CELF2: variants seen among roughly 807,000 people sequenced by gnomAD.
CELF2 encodes the protein CUG triplet repeat RNA-binding protein 2.
A neutral mutation model predicts 62.6 loss-of-function variants in CELF2; 8 were observed. The observed-to-expected ratio is 0.13, with a 90% CI of 0.07 to 0.23. The LOEUF (loss-of-function observed/expected upper bound fraction) is 0.23, where lower values mean the gene tolerates loss of function less well. Ranked by LOEUF, CELF2 falls within the 10% of genes least tolerant of loss-of-function variation. The pLI, the probability that CELF2 is intolerant of heterozygous loss-of-function variation, is 1.00. For synonymous variants in CELF2, 258 were observed against 250.0 expected, an observed-to-expected ratio of 1.03 and a Z score of -0.30; for missense variants, 333 against 671.0, an observed-to-expected ratio of 0.50 and a Z score of 5.56.
chr10:10,600,295 A>C, the CELF2 span, among the ~76,000 whole-genome samples: 1 of 152,224 alleles, frequency 6.6e-6, no homozygotes, highest in African/African-American at 2.4e-5. Flanking sequence ...GTCAATTACC[A>C]AAGTCTATTT....
chr10:10,644,928 G>T, the CELF2 span, among the ~76,000 whole-genome samples: 1 of 152,106 alleles, frequency 6.6e-6, no homozygotes, highest in East Asian at 1.9e-4. Context: ...AGTGACAGGC[G>T]GATGAAGTGG....
chr10:10,765,768 C>A, the CELF2 span, among the ~76,000 whole-genome samples: 2 of 152,184 alleles, frequency 1.3e-5, no homozygotes, highest in Admixed American at 1.3e-4. Context: ...ATCTGAAGGG[C>A]GGATCCAGAC....
At chr10:10,712,193 G>A in the CELF2 span, among the ~76,000 whole-genome samples, 1 of 146,100 alleles carries the variant, frequency 6.8e-6, no homozygotes, top group African/African-American at 2.6e-5. Context: ...CTCAGAATAG[G>A]GCAAGTTCAT....
At chr10:10,657,775 G>C in the CELF2 span, among the ~76,000 whole-genome samples, 1 of 152,026 alleles carries the variant, frequency 6.6e-6, no homozygotes, top group African/African-American at 2.4e-5. Context: ...ATGATATTTT[G>C]TTTCTTAAGT....
the CELF2 span, among the ~76,000 whole-genome samples, chr10:10,585,660 A>G: frequency 6.6e-6 from 1 of 152,208 alleles, no homozygotes; most frequent in African/African-American, 2.4e-5. Flanking sequence ...TTGTCATATA[A>G]GAATAAAATG....
intron 1 of CELF2, among the ~76,000 whole-genome samples, chr10:11,041,009 T>C (rs796556819): frequency 2.3e-4 from 35 of 152,344 alleles, no homozygotes; most frequent in African/African-American, 8.4e-4. Context: ...CTAATGTTTA[T>C]TTCTCAAGGT....
chr10:11,043,024 G>A (rs1416018752), intron 1 of CELF2, among the ~76,000 whole-genome samples: 1 of 152,172 alleles, frequency 6.6e-6, no homozygotes, highest in East Asian at 1.9e-4. Flanking sequence ...TAATCCTCCT[G>A]TGTATATGCC....
At chr10:10,704,392 G>A in the CELF2 span, among the ~76,000 whole-genome samples, 5 of 152,110 alleles carry the variant, frequency 3.3e-5, no homozygotes, top group Admixed American at 2.0e-4. Flanking sequence ...GAATTAGGAA[G>A]TTTCTACAGT....
At chr10:10,916,229 C>T (rs371706702) in intron 1 of CELF2, among the ~76,000 whole-genome samples, 34 of 152,296 alleles carry the variant, frequency 2.2e-4, no homozygotes, top group African/African-American at 7.2e-4. Flanking sequence ...CAGTGTTTGT[C>T]GATTTGCTGG....
intron 1 of CELF2, among the ~76,000 whole-genome samples, chr10:10,857,920 C>G (rs989966736): frequency 6.6e-6 from 1 of 151,472 alleles, no homozygotes; most frequent in Non-Finnish European, 1.5e-5. Context: ...AAAATTTGTA[C>G]AGACGCTAAT....
chr10:10,607,580 AC>A, the CELF2 span, among the ~76,000 whole-genome samples: 35 of 152,332 alleles, frequency 2.3e-4, no homozygotes, highest in East Asian at 6.7e-3. Context: ...GGGATTAGTT[AC>A]TTTTTCTCTG....
the CELF2 span, among the ~76,000 whole-genome samples, chr10:10,710,473 G>A: frequency 1.3e-5 from 2 of 152,204 alleles, no homozygotes; most frequent in Non-Finnish European, 2.9e-5. Flanking sequence ...CATATATTAA[G>A]CACATGCTCC....
At chr10:10,538,856 T>C in the CELF2 span, among the ~76,000 whole-genome samples, 2 of 152,262 alleles carry the variant, frequency 1.3e-5, no homozygotes, top group Non-Finnish European at 2.9e-5. Context: ...CCCTCCTTAC[T>C]AGTTCTGATT....
At chr10:10,516,449 A>G in the CELF2 span, among the ~76,000 whole-genome samples, 1 of 152,222 alleles carries the variant, frequency 6.6e-6, no homozygotes, top group African/African-American at 2.4e-5. Flanking sequence ...TTAAGAAATA[A>G]AACATTCATC....
rs138687140 is a variant in CELF2 at position 10,976,098 on chromosome 10, T to C, written c.89+56099T>C. Reference sequence around the variant, plus strand: ...TCATGGTGCTGGTGGGAGTGTCTTATGCTAACAAGCAATGAGAGCATCTAG... The same window carrying C: ...TCATGGTGCTGGTGGGAGTGTCTTACGCTAACAAGCAATGAGAGCATCTAG... On this transcript the variant is annotated intron_variant, in intron 2 of 13. Coordinates refer to the CELF2 transcript ENST00000636488. 8.4e-4 allele frequency among the ~76,000 whole-genome samples: 128 copies of C among 152,356 alleles called. 2 individuals are homozygous for C. The highest frequency in any genetic ancestry group is 2.1e-3 in the South Asian group (10 of 4,824).
Position 11,180,723 on chromosome 10 carries a change from A to C in CELF2, c.271+15041A>C, listed in dbSNP as rs531805463. 4.6e-5 allele frequency among the ~76,000 whole-genome samples: 7 copies of C among 152,314 alleles called. No homozygotes were observed. In the South Asian group the frequency reaches 1.5e-3, roughly 32 times the overall value. Reference sequence around the variant, plus strand: ...CTAGGTCCTGTACTAAGGGCTGACTATACATTATCTTGTTAAAATGTGTCC... The same window carrying C: ...CTAGGTCCTGTACTAAGGGCTGACTCTACATTATCTTGTTAAAATGTGTCC... On this transcript the variant is annotated intron_variant, in intron 2 of 12. Coordinates refer to ENST00000633077, the MANE Select transcript of CELF2 (RefSeq NM_001326342.2).
chr10:10,922,173 C>A (rs936887594), intron 2 of CELF2, among the ~76,000 whole-genome samples: 5 of 151,992 alleles, frequency 3.3e-5, no homozygotes, highest in Admixed American at 6.6e-5. Context: ...GGTCTTCATT[C>A]TTTGGATAAC....
intron 2 of CELF2, among the ~76,000 whole-genome samples, chr10:10,929,305 T>C (rs545171366): frequency 9.8e-5 from 15 of 152,332 alleles, no homozygotes; most frequent in African/African-American, 3.4e-4. Context: ...CCTCAGTTTT[T>C]CATTTATAAC....
In CELF2 at chr10:11,045,290, CAG is replaced by C. The variant is rs142310410; in HGVS notation, c.74+27128_74+27129del. ...AGTTTTTTATGTTTTTCTATACAGA[CAG>C]GGGTCTCATTAAGTTGCTCATGCTG... On this transcript the variant is annotated intron_variant, in intron 1 of 12. Coordinates refer to ENST00000633077, the MANE Select transcript of CELF2 (RefSeq NM_001326342.2). Among the ~76,000 whole-genome samples, 252 of 152,246 alleles carry C rather than the reference CAG, an allele frequency of 1.7e-3. 3 individuals are homozygous for C. The highest frequency in any genetic ancestry group is 2.4e-3 in the Non-Finnish European group (161 of 68,008).
Sources: allele counts gnomAD v4.1 joint callset (sites outside exome capture counted in the v4.1 genomes callset), GRCh38; gene constraint gnomAD v4.1.1; transcripts MANE v1.5; gene names NCBI Gene and HGNC (gene_info 2026-07-23, HGNC 2026-07-21).